Variants in CD109 observed in about 807,000 individuals in gnomAD.
The protein encoded by CD109 is CD109 molecule, also known as CD109 antigen.
CD109 carries 149 observed loss-of-function variants against 165.8 expected under a neutral mutation model. The observed-to-expected ratio is 0.90, with a 90% confidence interval of 0.79 to 1.03. The LOEUF is 1.03. Ranked by LOEUF, CD109 falls within the 50% of genes least tolerant of loss-of-function variation. The pLI is 0.00. For synonymous variants in CD109, 585 were observed against 592.1 expected (o/e 0.99, Z 0.18); for missense variants, 1,712 against 1,677.8 (o/e 1.02, Z -0.36).
intron 15 of CD109, among the ~76,000 whole-genome samples, chr6:73,774,648 A>G (rs1441447159): frequency 1.3e-5 from 2 of 152,188 alleles, no homozygotes; most frequent in Non-Finnish European, 2.9e-5. Flanking sequence ...TGATTTTGGC[A>G]GTGAAGTTGC....
At chr6:73,815,856 A>G (rs1550227) in intron 30 of CD109, among the ~76,000 whole-genome samples, 88,950 of 151,984 alleles carry the variant, frequency 0.59, 26,861 homozygotes, top group African/African-American at 0.74. Flanking sequence ...TTTTTCTTTC[A>G]TGAATCTATT....
the CD109 span, among the ~76,000 whole-genome samples, chr6:73,687,317 C>T: frequency 6.6e-6 from 1 of 152,128 alleles, no homozygotes; most frequent in South Asian, 2.1e-4. Flanking sequence ...AAAAACCATG[C>T]ATGATTTTAG....
At chr6:73,792,988 A>G (rs1008713822) in intron 23 of CD109, among the ~76,000 whole-genome samples, 186 bp downstream of exon 23, 2 of 152,186 alleles carry the variant, frequency 1.3e-5, no homozygotes, top group African/African-American at 2.4e-5. Context: ...TTAGCTAACT[A>G]TTCACTCACT....
chr6:73,778,450 G>A (rs1341176080), intron 15 of CD109, among the ~76,000 whole-genome samples: 1 of 152,136 alleles, frequency 6.6e-6, no homozygotes, highest in African/African-American at 2.4e-5. Context: ...ATGTTGAATA[G>A]GAGCGGTGAG....
intron 14 of CD109, among the ~76,000 whole-genome samples, chr6:73,771,096 C>G (rs1774016398): frequency 6.6e-6 from 1 of 152,196 alleles, no homozygotes; most frequent in Admixed American, 6.5e-5. Context: ...CCTTTGTATA[C>G]TGGCCTTCCC....
intron 5 of CD109, among the ~76,000 whole-genome samples, chr6:73,755,707 A>G (rs1011223633): frequency 6.6e-6 from 1 of 152,096 alleles, no homozygotes; most frequent in Non-Finnish European, 1.5e-5. Flanking sequence ...TCATGCCTGT[A>G]ATCCTAGGAC....
chr6:73,823,331 A>T (rs1776165009), intron 32 of CD109, 127 bp from the exon 33 acceptor site: 2 of 722,104 alleles, frequency 2.8e-6, no homozygotes, highest in South Asian at 4.4e-5. Flanking sequence ...GTTTCTTGTA[A>T]AGAAAAATAA....
chr6:73,702,865 G>C (rs1771132712), intron 2 of CD109, among the ~76,000 whole-genome samples: 1 of 152,226 alleles, frequency 6.6e-6, no homozygotes, highest in African/African-American at 2.4e-5. Context: ...TACTAGAAGA[G>C]AGTAGCAACA....
intron 4 of CD109, 136 bp downstream of exon 4, chr6:73,730,710 C>T (rs2150180268): frequency 1.6e-6 from 1 of 637,682 alleles, no homozygotes; most frequent in Non-Finnish European, 2.7e-6. Context: ...CATGGAACTC[C>T]TCTAATAGGA....
At position 73,766,989 on chromosome 6, in the gene CD109, A is replaced by G; in HGVS notation, c.1476A>G (p.Arg492=). The G allele has an allele frequency of 1.9e-6, 3 of 1,613,706 alleles. No homozygotes were observed. In the Middle Eastern group the frequency reaches 5.0e-4, roughly 269 times the overall value. Reference sequence around the variant, plus strand: ...AGTTGGTGGTTAGTGGCAACAAACGATTGAAGGAGTTAAGCTATATGGTAA... The same window carrying G: ...AGTTGGTGGTTAGTGGCAACAAACGGTTGAAGGAGTTAAGCTATATGGTAA... The part of the protein sequence containing the change: ...PFELVVSGNK[R]LKELSYMVVS... The change falls in exon 13 of 33, where the codon CGA becomes CGG. Residue 492 remains arginine, a synonymous_variant. Coordinates refer to ENST00000287097, the MANE Select transcript of CD109 (RefSeq NM_133493.5).
intron 1 of CD109, among the ~76,000 whole-genome samples, chr6:73,696,598 T>G (rs1347340667): frequency 6.6e-6 from 1 of 152,234 alleles, no homozygotes; most frequent in African/African-American, 2.4e-5. Context: ...CTTCTCAACT[T>G]TTTGCTCCCA....
intron 5 of CD109, among the ~76,000 whole-genome samples, chr6:73,755,720 TG>T: frequency 6.6e-6 from 1 of 151,850 alleles, no homozygotes; most frequent in Non-Finnish European, 1.5e-5. Context: ...CCTAGGACTT[TG>T]GGAGGCTGAG....
intron 24 of CD109, among the ~76,000 whole-genome samples, chr6:73,804,909 TCAC>T (rs1157476297): frequency 1.3e-5 from 2 of 152,198 alleles, no homozygotes; most frequent in Non-Finnish European, 2.9e-5. Context: ...ATGCTCATCA[TCAC>T]TGGCCATCAG....
intron 23 of CD109, among the ~76,000 whole-genome samples, chr6:73,794,726 T>C (rs138369690): frequency 6.6e-6 from 1 of 152,194 alleles, no homozygotes; most frequent in African/African-American, 2.4e-5. Context: ...GTGGTATATT[T>C]TCCCTTAGAT....
At chr6:73,769,181 C>A (rs116344464) in intron 14 of CD109, among the ~76,000 whole-genome samples, 2 of 152,094 alleles carry the variant, frequency 1.3e-5, no homozygotes, top group African/African-American at 2.4e-5. Flanking sequence ...TGAGCCACTG[C>A]GCCAGGCCTG....
At chr6:73,784,760 T>G (rs930126744) in intron 19 of CD109, among the ~76,000 whole-genome samples, 1 of 152,216 alleles carries the variant, frequency 6.6e-6, no homozygotes, top group African/African-American at 2.4e-5. Flanking sequence ...TATTCAGATG[T>G]CCCACACATT....
chr6:73,774,012 CTACTT>C (rs1275898134), intron 15 of CD109, among the ~76,000 whole-genome samples: 1 of 152,078 alleles, frequency 6.6e-6, no homozygotes, highest in Non-Finnish European at 1.5e-5. Context: ...GTATTTTAAT[CTACTT>C]TAATCTCTCA....
intron 2 of CD109, among the ~76,000 whole-genome samples, chr6:73,707,583 C>A (rs565008451): frequency 6.6e-6 from 1 of 152,046 alleles, no homozygotes; most frequent in Admixed American, 6.6e-5. Context: ...GTACCCACCT[C>A]GTAGCATTGT....
In CD109 at chr6:73,697,438, C is replaced by G; in HGVS notation, c.113C>G (p.Pro38Arg). 1 of 1,614,042 alleles carries G rather than the reference C, an allele frequency of 6.2e-7. No homozygotes were observed. Among genetic ancestry groups the G allele is most frequent in the Non-Finnish European group, 8.5e-7 (1 of 1,180,008 alleles). Reference sequence around the variant, plus strand: ...GTGACAGCCCCAGGGATCATCAGGCCCGGAGGAAATGTGACTATTGGGGTG... The same window carrying G: ...GTGACAGCCCCAGGGATCATCAGGCGCGGAGGAAATGTGACTATTGGGGTG... ...FLVTAPGIIR[P>R]GGNVTIGVEL... Residue 38 changes from proline (P) to arginine (R), a missense_variant, in exon 2 of 33, where the codon CCC becomes CGC. Coordinates refer to ENST00000287097, the MANE Select transcript of CD109 (RefSeq NM_133493.5).
Sources: gnomAD v4.1 joint callset for allele counts (sites outside exome capture counted in the v4.1 genomes callset) on GRCh38, gnomAD v4.1.1 for gene constraint, MANE v1.5 for transcripts, NCBI Gene and HGNC (gene_info 2026-07-23, HGNC 2026-07-21) for gene names.